BDKRB2: variants seen among roughly 807,000 people sequenced by gnomAD.
The protein encoded by BDKRB2 is B2 bradykinin receptor.
Under a neutral mutation model 4.0 loss-of-function variants are expected in BDKRB2, and 6 were observed. That is an observed-to-expected ratio of 1.49 (90% CI 0.81 to 2.93). BDKRB2 has a LOEUF of 2.93. BDKRB2 is among the 30% of genes most tolerant of loss of function. The pLI is 0.00. For synonymous variants in BDKRB2, 225 were observed against 215.3 expected (o/e 1.05, Z -0.40); for missense variants, 478 against 520.1 (o/e 0.92, Z 0.79).
chr14:96,234,365 C>T (rs1011678056), intron 1 of BDKRB2, among the ~76,000 whole-genome samples: 1 of 152,164 alleles, frequency 6.6e-6, no homozygotes, highest in African/African-American at 2.4e-5. Context: ...CATAAAGGCC[C>T]CCAAGAGAGG....
chr14:96,230,435 C>T (rs145169805), intron 1 of BDKRB2, among the ~76,000 whole-genome samples: 2,081 of 152,304 alleles, frequency 0.014, 50 homozygotes, highest in African/African-American at 0.048. Context: ...CGCTCTGTCG[C>T]CCAGGCTGGA....
intron 1 of BDKRB2, among the ~76,000 whole-genome samples, chr14:96,234,276 C>G (rs1393731569): frequency 6.6e-6 from 1 of 152,190 alleles, no homozygotes; most frequent in African/African-American, 2.4e-5. Context: ...GGCAAAGCCT[C>G]AGCACCCTCC....
intron 1 of BDKRB2, among the ~76,000 whole-genome samples, chr14:96,224,208 G>A (rs1890642459): frequency 1.3e-5 from 2 of 152,124 alleles, no homozygotes; most frequent in Non-Finnish European, 2.9e-5. Context: ...ACTGAAGCTG[G>A]GTGAAGTATG....
chr14:96,215,488 G>A (rs1325640663), intron 1 of BDKRB2, among the ~76,000 whole-genome samples: 1 of 151,874 alleles, frequency 6.6e-6, no homozygotes, highest in African/African-American at 2.4e-5. Context: ...AAAAGGGAGG[G>A]GGTTGAAGGT....
chr14:96,228,237 C>T (rs1890743265), intron 1 of BDKRB2, among the ~76,000 whole-genome samples: 1 of 152,208 alleles, frequency 6.6e-6, no homozygotes, highest in African/African-American at 2.4e-5. Flanking sequence ...TCTGGCCCTA[C>T]AGTACCGTCT....
rs369551686 is a variant in BDKRB2, at chr14:96,240,085, G to A, written c.75-318G>A. 3.0e-5 allele frequency: 32 copies of A among 1,082,134 alleles called. No homozygotes were observed. In the East Asian group the frequency reaches 5.4e-4, roughly 18 times the overall value. 67.0% of individuals were successfully genotyped at this position (1,082,134 alleles called of 1,614,324 possible). ...GAAGGAATGTGAATCCTCCCATCAC[G>A]GAAGCTTCAAGGAGGTCAAGGGTCC... On this transcript the variant is annotated intron_variant, in intron 2 of 2. Coordinates refer to ENST00000554311, the MANE Select transcript of BDKRB2 (RefSeq NM_001379692.1).
chr14:96,221,394 C>T (rs1890556652), intron 1 of BDKRB2, among the ~76,000 whole-genome samples: 1 of 152,142 alleles, frequency 6.6e-6, no homozygotes, highest in African/African-American at 2.4e-5. Flanking sequence ...TGATGCTATT[C>T]ATGGTGGGTG....
intron 1 of BDKRB2, among the ~76,000 whole-genome samples, chr14:96,211,588 G>T (rs1177522086): frequency 1.3e-5 from 2 of 152,194 alleles, no homozygotes; most frequent in Non-Finnish European, 1.5e-5. Flanking sequence ...AACCTGGGGG[G>T]ACTCCTCAAA....
intron 2 of BDKRB2, 161 bp from the exon 3 acceptor site, chr14:96,240,242 T>G: frequency 1.5e-6 from 2 of 1,315,618 alleles, no homozygotes; most frequent in South Asian, 6.0e-5. Flanking sequence ...CCCAGGGGAG[T>G]CAGGTGCACT....
rs144391658 is a variant in BDKRB2, at chr14:96,243,481, GAGGGCTAGAACCTGGA to G, written c.*1992_*2007del. On this transcript the variant is annotated 3_prime_UTR_variant, in exon 3 of 3. Coordinates refer to ENST00000554311, the MANE Select transcript of BDKRB2 (RefSeq NM_001379692.1). ...CTAGAACCTGGAGAGCCAGAACCTG[GAGGGCTAGAACCTGGA>G]AGGGCTAGAACCTGTAGAGCTAGAA... 11,417 of 152,542 alleles carry G rather than the reference GAGGGCTAGAACCTGGA, an allele frequency of 0.075. 561 individuals carry two copies. Among genetic ancestry groups the G allele is most frequent in the Non-Finnish European group, 0.11 (7,336 of 68,632 alleles). 9.4% of individuals were successfully genotyped at this position (152,542 alleles called of 1,614,324 possible). A position where few individuals can be genotyped will look rare whatever the true frequency, so the allele number is the denominator to read the frequency against.
In BDKRB2 at chr14:96,241,374, G is replaced by C. The variant is rs146150661; in HGVS notation, c.1046G>C (p.Gly349Ala). The change falls in exon 3 of 3, where the codon GGA (glycine) becomes GCA (alanine). Residue 349 changes from glycine to alanine, a missense_variant. Gly to Ala is a moderately conservative substitution (Grantham distance 60). Transcript: ENST00000554311. ...FRKKSWEVYQ[G>A]VCQKGGCRSE... ...AAGAAGTCTTGGGAGGTGTACCAGG[G>C]AGTGTGCCAGAAAGGGGGCTGCAGG... 38 of 1,613,588 alleles carry C rather than the reference G, an allele frequency of 2.4e-5. No homozygotes were observed. Among genetic ancestry groups the C allele is most frequent in the Non-Finnish European group, 3.1e-5 (36 of 1,180,008 alleles).
intron 1 of BDKRB2, among the ~76,000 whole-genome samples, chr14:96,217,712 C>G (rs1243317271): frequency 6.6e-6 from 1 of 152,140 alleles, no homozygotes; most frequent in African/African-American, 2.4e-5. Context: ...CCAGTAGCGC[C>G]AGCCAGAGCA....
At chr14:96,228,267 T>C (rs956964946) in intron 1 of BDKRB2, among the ~76,000 whole-genome samples, 2 of 152,252 alleles carry the variant, frequency 1.3e-5, no homozygotes, top group African/African-American at 4.8e-5. Context: ...TTACAATTAA[T>C]GCTCTTTTAG....
In BDKRB2 at chr14:96,237,193, G is replaced by C; in HGVS notation, c.74+12G>C. On this transcript the variant is annotated intron_variant, in intron 2 of 2. Transcript: ENST00000554311. ...ACGGCCTCTTTCAGGTGAGTCAAAGGGATTCCTCAGTTCACTAGTTAGGGG... is the reference window on the plus strand; with the variant it reads ...ACGGCCTCTTTCAGGTGAGTCAAAGCGATTCCTCAGTTCACTAGTTAGGGG... 6.2e-7 allele frequency: 1 copy of C among 1,608,194 alleles called. No homozygotes were observed. Among genetic ancestry groups the C allele is most frequent in the Non-Finnish European group, 8.5e-7 (1 of 1,174,600 alleles).
At chr14:96,236,777 C>T (rs1467768375) in intron 1 of BDKRB2, among the ~76,000 whole-genome samples, 1 of 152,206 alleles carries the variant, frequency 6.6e-6, no homozygotes, top group African/African-American at 2.4e-5. Context: ...CACTCGCCCT[C>T]ACAGGCGCGT....
At chr14:96,229,804 A>C (rs542639073) in intron 1 of BDKRB2, among the ~76,000 whole-genome samples, 60 of 152,278 alleles carry the variant, frequency 3.9e-4, no homozygotes, top group African/African-American at 1.4e-3. Flanking sequence ...TGGCTGTGGC[A>C]CTATTAAATT....
At position 96,237,651 on chromosome 14, in the gene BDKRB2, T is replaced by C. The variant is rs144470907; in HGVS notation, c.74+470T>C. On this transcript the variant is annotated intron_variant, in intron 2 of 2. Coordinates refer to ENST00000554311, the MANE Select transcript of BDKRB2 (RefSeq NM_001379692.1). ...AAGCAGAGGATAGGGAGATCTGTTC[T>C]TGGGGACAGCATTTGCAAGAAACAA... The C allele has an allele frequency of 5.7e-5, 73 of 1,279,376 alleles. No homozygotes were observed. The East Asian group carries it at 2.9e-3, about 52-fold the overall frequency. The allele number at this position is 1,279,376 out of a possible 1,614,324, so 79.3% of individuals were successfully genotyped here. A position where few individuals can be genotyped will look rare whatever the true frequency, so the allele number is the denominator to read the frequency against.
At chr14:96,231,272 A>C (rs1023444724) in intron 1 of BDKRB2, among the ~76,000 whole-genome samples, 1 of 152,210 alleles carries the variant, frequency 6.6e-6, no homozygotes, top group African/African-American at 2.4e-5. Flanking sequence ...AAATGCTGGA[A>C]GGACTTACAT....
chr14:96,240,198 T>A (rs1246219380), intron 2 of BDKRB2: 28 of 1,292,862 alleles, frequency 2.2e-5, no homozygotes, highest in Non-Finnish European at 2.2e-5. Flanking sequence ...GAGGCCCCCG[T>A]TTAGATCCAA....
Sources: gnomAD v4.1 joint callset for allele counts (sites outside exome capture counted in the v4.1 genomes callset) on GRCh38, gnomAD v4.1.1 for gene constraint, MANE v1.5 for transcripts, NCBI Gene and HGNC (gene_info 2026-07-23, HGNC 2026-07-21) for gene names.